The following PRKD1 variants were observed in gnomAD, a reference collection of about 807,000 sequenced individuals.
PRKD1 encodes the protein serine/threonine-protein kinase D1.
In PRKD1, 63 loss-of-function variants were observed where a neutral mutation model predicts 95.9. The ratio of observed to expected loss-of-function variants is 0.66; its 90% CI spans 0.54 to 0.81. The LOEUF is 0.81. Ranked by LOEUF, PRKD1 falls within the 30% of genes least tolerant of loss-of-function variation. The pLI, the probability that PRKD1 is intolerant of heterozygous loss-of-function variation, is 0.00. For synonymous variants in PRKD1, 425 were observed against 423.1 expected, an observed-to-expected ratio of 1.00 and a Z score of -0.05; for missense variants, 1,048 against 1,165.3, an observed-to-expected ratio of 0.90 and a Z score of 1.47.
chr14:29,869,685 C>T (rs1302915192), intron 1 of PRKD1, among the ~76,000 whole-genome samples: 1 of 152,022 alleles, frequency 6.6e-6, no homozygotes, highest in African/African-American at 2.4e-5. Flanking sequence ...TTACTGTGTG[C>T]CAAGCACTAT....
chr14:29,662,884 T>C (rs1296139867), intron 4 of PRKD1, among the ~76,000 whole-genome samples: 2 of 151,710 alleles, frequency 1.3e-5, no homozygotes, highest in Admixed American at 6.6e-5. Flanking sequence ...GGGGTAAATA[T>C]GGGAAATTTA....
intron 1 of PRKD1, among the ~76,000 whole-genome samples, chr14:29,817,094 T>A (rs1192412972): frequency 6.6e-6 from 1 of 152,214 alleles, no homozygotes; most frequent in Non-Finnish European, 1.5e-5. Flanking sequence ...GAGGACATGC[T>A]TCCTTGGGTC....
chr14:29,664,894 T>G (rs564612160), intron 3 of PRKD1, among the ~76,000 whole-genome samples: 1 of 152,362 alleles, frequency 6.6e-6, no homozygotes, highest in African/African-American at 2.4e-5. Context: ...GACGGTTTAA[T>G]TTCCTGAATC....
chr14:29,643,066 T>C (rs1880897514), intron 4 of PRKD1, among the ~76,000 whole-genome samples: 1 of 152,108 alleles, frequency 6.6e-6, no homozygotes, highest in Non-Finnish European at 1.5e-5. Context: ...GCAACACATA[T>C]AAGAGAATGC....
intron 1 of PRKD1, among the ~76,000 whole-genome samples, chr14:29,917,059 T>G (rs1255556394): frequency 6.6e-6 from 1 of 152,072 alleles, no homozygotes; most frequent in African/African-American, 2.4e-5. Context: ...GGGGGGGAAA[T>G]GTTCATGTTT....
intron 4 of PRKD1, among the ~76,000 whole-genome samples, chr14:29,641,956 T>C (rs1880804736): frequency 6.7e-6 from 1 of 148,320 alleles, no homozygotes; most frequent in South Asian, 2.2e-4. Context: ...CAGGCTGCAG[T>C]GCAATGGGGC....
intron 1 of PRKD1, among the ~76,000 whole-genome samples, chr14:29,762,696 A>G (rs1485876635): frequency 1.3e-5 from 2 of 152,212 alleles, no homozygotes; most frequent in Admixed American, 6.5e-5. Context: ...CCCTTCCTAT[A>G]TAACTCCCTA....
chr14:29,781,662 A>T (rs1321183482), intron 1 of PRKD1, among the ~76,000 whole-genome samples: 1 of 152,246 alleles, frequency 6.6e-6, no homozygotes, highest in Non-Finnish European at 1.5e-5. Context: ...TTAAAATATA[A>T]GAGAACCCAA....
At chr14:29,635,401 C>A (rs899479572) in intron 7 of PRKD1, among the ~76,000 whole-genome samples, 6 of 152,028 alleles carry the variant, frequency 3.9e-5, no homozygotes, top group African/African-American at 7.3e-5. Flanking sequence ...CTCTTTGGTA[C>A]TAAAGAAGTG....
chr14:29,624,755 T>G (rs1352638000), intron 12 of PRKD1, among the ~76,000 whole-genome samples: 1 of 152,142 alleles, frequency 6.6e-6, no homozygotes, highest in South Asian at 2.1e-4. Context: ...AGGAGAAGAT[T>G]GGATGAAAGG....
intron 1 of PRKD1, among the ~76,000 whole-genome samples, chr14:29,752,925 T>C (rs991847289): frequency 2.0e-5 from 3 of 152,086 alleles, no homozygotes; most frequent in African/African-American, 7.2e-5. Flanking sequence ...CTCCTACCAC[T>C]TTCCTCCCAA....
Position 29,578,299 on chromosome 14 carries a change from C to G in PRKD1, c.2496G>C (p.Lys832Asn). 1.2e-6 allele frequency: 2 copies of G among 1,610,074 alleles called. No individual in the cohort carries two copies. The highest frequency in any genetic ancestry group is 1.7e-6 in the Non-Finnish European group (2 of 1,178,534). Residue 832 changes from lysine (K) to asparagine (N), a missense_variant, in exon 17 of 18, where the codon AAG becomes AAC. Physicochemically the swap from Lys to Asn is moderately conservative, Grantham distance 94. This residue lies in a region of PRKD1 where 739 missense variants were observed against 861.9 expected (regional missense o/e 0.86). Transcript: ENST00000331968. ...CCTGTAGCCAAGGGTGGCTCAAGGT[C>G]TTATCCACACTGTAGCGCTTTCTCA... is the stretch of plus-strand genomic sequence containing the variant. ...VKMRKRYSVD[K>N]TLSHPWLQDY... is the part of the protein sequence containing the mutation.
intron 1 of PRKD1, among the ~76,000 whole-genome samples, chr14:29,772,794 G>A (rs1048104249): frequency 3.9e-5 from 6 of 152,102 alleles, no homozygotes; most frequent in Non-Finnish European, 7.4e-5. Context: ...CTGCAAAAAC[G>A]ATGCCCATTT....
chr14:29,794,920 C>A (rs889145517), intron 1 of PRKD1, among the ~76,000 whole-genome samples: 5 of 152,116 alleles, frequency 3.3e-5, no homozygotes, highest in Non-Finnish European at 5.9e-5. Flanking sequence ...TACAGACTCA[C>A]TAAAAATCAG....
intron 1 of PRKD1, among the ~76,000 whole-genome samples, chr14:29,837,564 G>C (rs1891659474): frequency 6.6e-6 from 1 of 152,110 alleles, no homozygotes; most frequent in Non-Finnish European, 1.5e-5. Context: ...AAATGGAGTA[G>C]CATTAAAGAT....
At chr14:29,730,308 CA>C (rs1364545294) in intron 1 of PRKD1, among the ~76,000 whole-genome samples, 2 of 151,964 alleles carry the variant, frequency 1.3e-5, no homozygotes, top group African/African-American at 2.4e-5. Context: ...ATTAAAAACA[CA>C]ATGAGATATT....
intron 1 of PRKD1, among the ~76,000 whole-genome samples, chr14:29,843,328 T>C (rs1407058323): frequency 2.0e-5 from 3 of 152,152 alleles, no homozygotes; most frequent in Admixed American, 2.0e-4. Flanking sequence ...TCCAGGAGCA[T>C]GAGAAAATAA....
intron 4 of PRKD1, among the ~76,000 whole-genome samples, chr14:29,660,977 T>G (rs1882154913): frequency 6.6e-6 from 1 of 152,210 alleles, no homozygotes; most frequent in Non-Finnish European, 1.5e-5. Context: ...TTGGAATTTT[T>G]TAAAGATGGA....
At position 29,663,830 on chromosome 14, in the gene PRKD1, C is replaced by T; in HGVS notation, c.565G>A (p.Ala189Thr). 6.2e-7 allele frequency: 1 copy of T among 1,613,894 alleles called. No homozygotes were observed. The highest frequency in any genetic ancestry group is 8.5e-7 in the Non-Finnish European group (1 of 1,179,872). ...GCGLNYHKRC[A>T]FKIPNNCSGV... is the part of the protein sequence containing the mutation. The stretch of plus-strand genomic sequence containing the variant: ...CTGCAATTGTTGGGTATTTTAAATG[C>T]ACATCTCTTATGGTAATTCAGACCA... The change falls in exon 4 of 18, where the codon GCA becomes ACA. Residue 189 changes from alanine (A) to threonine (T), a missense_variant. Coordinates refer to ENST00000331968, the MANE Select transcript of PRKD1 (RefSeq NM_002742.3).
Sources: gnomAD v4.1 joint callset for allele counts (sites outside exome capture counted in the v4.1 genomes callset) on GRCh38, gnomAD v4.1.1 for gene constraint, gnomAD v4.1.1 regional missense constraint, MANE v1.5 for transcripts, NCBI Gene and HGNC (gene_info 2026-07-23, HGNC 2026-07-21) for gene names.